PTPRD: variants seen among roughly 807,000 people sequenced by gnomAD.
PTPRD encodes the protein receptor-type tyrosine-protein phosphatase delta.
In PTPRD, 34 loss-of-function variants were observed where a neutral mutation model predicts 214.5. The ratio of observed to expected loss-of-function variants is 0.16; its 90% CI spans 0.12 to 0.21. The LOEUF (loss-of-function observed/expected upper bound fraction) is 0.21, where lower values mean the gene tolerates loss of function less well. Ranked by LOEUF, PTPRD falls within the 10% of genes least tolerant of loss-of-function variation. PTPRD has a pLI of 1.00. For synonymous variants in PTPRD, 1,128 were observed against 845.7 expected (o/e 1.33, Z -5.79); for missense variants, 2,545 against 2,398.7 (o/e 1.06, Z -1.27).
At chr9:10,563,629 T>C (rs1053839731) in intron 2 of PTPRD, among the ~76,000 whole-genome samples, 6 of 152,098 alleles carry the variant, frequency 3.9e-5, no homozygotes, top group East Asian at 1.9e-4. Flanking sequence ...TACCCTGTCA[T>C]TGAAACACTG....
At chr9:8,936,768 T>C (rs925159178) in intron 11 of PTPRD, among the ~76,000 whole-genome samples, 2 of 152,224 alleles carry the variant, frequency 1.3e-5, no homozygotes, top group African/African-American at 4.8e-5. Flanking sequence ...GGATTTTGGC[T>C]ATCATAAATG....
At chr9:8,578,752 C>G (rs753680930) in intron 14 of PTPRD, among the ~76,000 whole-genome samples, 9 of 152,186 alleles carry the variant, frequency 5.9e-5, no homozygotes, top group Non-Finnish European at 8.8e-5. Context: ...TACAGGATGT[C>G]TGCATATAAT....
chr9:9,619,720 T>A (rs1054198662), intron 7 of PTPRD, among the ~76,000 whole-genome samples: 2 of 145,994 alleles, frequency 1.4e-5, no homozygotes, highest in Non-Finnish European at 3.0e-5. Flanking sequence ...TATTTATATA[T>A]AATCGTGTAT....
chr9:8,646,759 T>C (rs2096703287), intron 12 of PTPRD, among the ~76,000 whole-genome samples: 1 of 152,204 alleles, frequency 6.6e-6, no homozygotes. Flanking sequence ...TTCACATTCA[T>C]AGAACCTTGA....
At position 9,118,743 on chromosome 9, in the gene PTPRD, G is replaced by A. The variant is rs546218005; in HGVS notation, c.-143+64561C>T. Among the ~76,000 whole-genome samples the A allele has an allele frequency of 2.1e-3, 321 of 152,298 alleles. 2 individuals carry two copies. Among genetic ancestry groups the A allele is most frequent in the African/African-American group, 7.6e-3 (315 of 41,556 alleles). ...AAATAAGGTGACTAAAAAGCAGTGAGCTCAATATACCCTGCCCTTTTTATT... is the reference window on the plus strand; with the variant it reads ...AAATAAGGTGACTAAAAAGCAGTGAACTCAATATACCCTGCCCTTTTTATT... On this transcript the variant is annotated intron_variant, in intron 10 of 45. Coordinates refer to ENST00000381196, the MANE Select transcript of PTPRD (RefSeq NM_002839.4).
intron 8 of PTPRD, among the ~76,000 whole-genome samples, chr9:9,502,868 C>T (rs746540460): frequency 2.6e-5 from 4 of 151,918 alleles, no homozygotes; most frequent in Non-Finnish European, 5.9e-5. Context: ...CATTCTCCAA[C>T]AGACGTAACT....
intron 11 of PTPRD, among the ~76,000 whole-genome samples, chr9:8,908,164 A>G (rs2098721586): frequency 6.6e-6 from 1 of 152,198 alleles, no homozygotes; most frequent in African/African-American, 2.4e-5. Context: ...AAACTGCTGA[A>G]AAAATGTCTA....
At position 9,584,833 on chromosome 9, in the gene PTPRD, T is replaced by G. The variant is rs147602367; in HGVS notation, c.-286-10052A>C. Among the ~76,000 whole-genome samples the G allele has an allele frequency of 2.4e-3, 366 of 152,136 alleles. 15 individuals carry two copies. In the East Asian group the frequency reaches 0.052, roughly 22 times the overall value. On this transcript the variant is annotated intron_variant, in intron 7 of 45. Transcript: ENST00000381196. ...TTATCTCTCTGGAGAACTTTGCCCT[T>G]GACCATCCTGAGTCTTCAAGCTTTA... is the stretch of plus-strand genomic sequence containing the variant.
chr9:10,481,926 T>A (rs2132191560), intron 2 of PTPRD, among the ~76,000 whole-genome samples: 1 of 152,168 alleles, frequency 6.6e-6, no homozygotes, highest in African/African-American at 2.4e-5. Flanking sequence ...TAAGCTTAAT[T>A]TTTAAAAGGA....
At chr9:10,555,345 T>C (rs1357452243) in intron 2 of PTPRD, among the ~76,000 whole-genome samples, 1 of 152,174 alleles carries the variant, frequency 6.6e-6, no homozygotes, top group Non-Finnish European at 1.5e-5. Flanking sequence ...AAACGTTTTA[T>C]CATATACCTA....
chr9:9,538,621 T>A (rs1191241128), intron 8 of PTPRD, among the ~76,000 whole-genome samples: 1 of 151,842 alleles, frequency 6.6e-6, no homozygotes, highest in Non-Finnish European at 1.5e-5. Flanking sequence ...AATCAGCAAA[T>A]GCCAAGAAGC....
chr9:10,158,712 C>A (rs1354618701), intron 3 of PTPRD, among the ~76,000 whole-genome samples: 1 of 152,128 alleles, frequency 6.6e-6, no homozygotes, highest in Non-Finnish European at 1.5e-5. Flanking sequence ...TTGCCTGCCA[C>A]CAACTGCATG....
At chr9:8,756,327 G>A (rs115876143) in intron 11 of PTPRD, among the ~76,000 whole-genome samples, 9,427 of 152,066 alleles carry the variant, frequency 0.062, 750 homozygotes, top group African/African-American at 0.19. Flanking sequence ...CCCCACCCCC[G>A]GGAGACTGAA....
At chr9:9,410,961 G>A (rs535491966) in intron 8 of PTPRD, among the ~76,000 whole-genome samples, 29 of 152,204 alleles carry the variant, frequency 1.9e-4, no homozygotes, top group African/African-American at 4.8e-4. Context: ...AAGTGTGGGC[G>A]CGTGCCTGCC....
At chr9:10,358,424 T>C (rs1193836076) in intron 2 of PTPRD, among the ~76,000 whole-genome samples, 2 of 151,988 alleles carry the variant, frequency 1.3e-5, no homozygotes, top group African/African-American at 4.8e-5. Context: ...ATTTCATTGA[T>C]CAATGAAGCA....
intron 17 of PTPRD, chr9:8,525,244 A>G (rs763318731): frequency 9.0e-5 from 62 of 689,512 alleles, no homozygotes; most frequent in Non-Finnish European, 1.5e-4. Context: ...CATCAATGCT[A>G]GCATTAGAAA....
At chr9:9,352,383 A>ATG (rs1266457711) in intron 9 of PTPRD, among the ~76,000 whole-genome samples, 25 of 149,522 alleles carry the variant, frequency 1.7e-4, no homozygotes, top group South Asian at 4.2e-4. Context: ...ATATATATAT[A>ATG]TGTGTGTATA....
At chr9:10,429,664 A>T (rs953654848) in intron 2 of PTPRD, among the ~76,000 whole-genome samples, 9 of 151,424 alleles carry the variant, frequency 5.9e-5, no homozygotes, top group African/African-American at 1.9e-4. Flanking sequence ...TAATATATAG[A>T]TATATATTCT....
chr9:9,826,705 CT>C (rs2052994458), intron 5 of PTPRD, among the ~76,000 whole-genome samples: 1 of 151,802 alleles, frequency 6.6e-6, no homozygotes, highest in Admixed American at 6.6e-5. Context: ...TTAAAAAGAT[CT>C]TTTGCAAAGA....
Sources: gnomAD v4.1 joint callset for allele counts (sites outside exome capture counted in the v4.1 genomes callset) on GRCh38, gnomAD v4.1.1 for gene constraint, MANE v1.5 for transcripts, NCBI Gene and HGNC (gene_info 2026-07-23, HGNC 2026-07-21) for gene names.